The following ZNF609 variants were observed in gnomAD, a reference collection of about 807,000 sequenced individuals.
ZNF609 encodes the protein zinc finger protein 609.
ZNF609 carries 11 observed loss-of-function variants against 109.5 expected under a neutral mutation model. The observed-to-expected ratio is 0.10, with a 90% CI of 0.06 to 0.17. The LOEUF (loss-of-function observed/expected upper bound fraction) is 0.17, where lower values mean the gene tolerates loss of function less well. Among genes scored for constraint, ZNF609 ranks in the 10% least tolerant of loss-of-function variants. The pLI is 1.00. For synonymous variants in ZNF609, 646 were observed against 662.0 expected, an observed-to-expected ratio of 0.98 and a Z score of 0.37; for missense variants, 1,559 against 1,772.4, an observed-to-expected ratio of 0.88 and a Z score of 2.16.
At chr15:64,665,732 C>A (rs1393851250) in intron 3 of ZNF609, among the ~76,000 whole-genome samples, 3 of 151,982 alleles carry the variant, frequency 2.0e-5, no homozygotes, top group African/African-American at 7.2e-5. Flanking sequence ...CATGGAGAAA[C>A]CCCATATCTA....
chr15:64,495,034 G>A lies in ZNF609; in HGVS notation c.-127-4259G>A, dbSNP rs1442016135. ...GCATAGATCATCAGATGTTTTTTTCGCCTCCAGCTACCGTTTCAGAAAAAG... is the reference window on the plus strand; with the variant it reads ...GCATAGATCATCAGATGTTTTTTTCACCTCCAGCTACCGTTTCAGAAAAAG... On this transcript the variant is annotated intron_variant, in intron 1 of 9. Coordinates refer to ENST00000326648, the MANE Select transcript of ZNF609 (RefSeq NM_015042.2). Among the ~76,000 whole-genome samples the A allele has an allele frequency of 2.6e-5, 4 of 151,706 alleles. No homozygotes were observed. In the South Asian group the frequency reaches 6.2e-4, roughly 24 times the overall value.
chr15:64,482,376 G>C (rs1011118111), intron 1 of ZNF609, among the ~76,000 whole-genome samples: 4 of 148,330 alleles, frequency 2.7e-5, no homozygotes, highest in African/African-American at 9.9e-5. Flanking sequence ...TTTCCTATAC[G>C]TTTTTTTTTT....
chr15:64,592,209 A>G (rs1895310994), intron 2 of ZNF609, among the ~76,000 whole-genome samples: 1 of 152,210 alleles, frequency 6.6e-6, no homozygotes, highest in Non-Finnish European at 1.5e-5. Flanking sequence ...TTGTTTATAC[A>G]AGTGAAAATT....
intron 2 of ZNF609, among the ~76,000 whole-genome samples, chr15:64,516,351 A>G (rs1438453534): frequency 1.3e-5 from 2 of 152,064 alleles, no homozygotes; most frequent in African/African-American, 4.8e-5. Context: ...CAGAAACCTC[A>G]TAGAGGTGGG....
chr15:64,515,601 A>C (rs1422424957), intron 2 of ZNF609, among the ~76,000 whole-genome samples: 2 of 152,110 alleles, frequency 1.3e-5, no homozygotes, highest in African/African-American at 4.8e-5. Flanking sequence ...TTAAAGGCTT[A>C]AAATAATGTC....
intron 2 of ZNF609, among the ~76,000 whole-genome samples, chr15:64,578,271 C>G (rs1895036248): frequency 6.6e-6 from 1 of 151,758 alleles, no homozygotes; most frequent in South Asian, 2.1e-4. Flanking sequence ...GTGAACATTA[C>G]TGAATGATCT....
At chr15:64,667,194 A>G (rs1000645829) in intron 3 of ZNF609, among the ~76,000 whole-genome samples, 1 of 152,214 alleles carries the variant, frequency 6.6e-6, no homozygotes, top group Admixed American at 6.5e-5. Flanking sequence ...GTTCAAGGTT[A>G]CACTATAACA....
At chr15:64,478,194 G>C (rs996187341) in intron 1 of ZNF609, among the ~76,000 whole-genome samples, 2 of 146,484 alleles carry the variant, frequency 1.4e-5, no homozygotes, top group Admixed American at 6.7e-5. Flanking sequence ...GTGTGTGTGT[G>C]TGTCTGTTTA....
chr15:64,539,291 T>C (rs1207468028), intron 2 of ZNF609, among the ~76,000 whole-genome samples: 1 of 151,676 alleles, frequency 6.6e-6, no homozygotes, highest in East Asian at 1.9e-4. Flanking sequence ...CACTGCAAGC[T>C]CCACCTCCCA....
At chr15:64,464,834 G>T (rs548713599) in intron 1 of ZNF609, among the ~76,000 whole-genome samples, 2 of 152,298 alleles carry the variant, frequency 1.3e-5, no homozygotes, top group East Asian at 3.9e-4. Context: ...GCTGAAGAGG[G>T]ATTACTGAGC....
At chr15:64,491,880 G>A (rs1402230751) in intron 1 of ZNF609, among the ~76,000 whole-genome samples, 2 of 151,594 alleles carry the variant, frequency 1.3e-5, no homozygotes, top group East Asian at 1.9e-4. Context: ...TCTTGAGATT[G>A]GTACCTTGTC....
At chr15:64,629,381 A>G (rs1386177349) in intron 3 of ZNF609, among the ~76,000 whole-genome samples, 1 of 152,200 alleles carries the variant, frequency 6.6e-6, no homozygotes, top group Non-Finnish European at 1.5e-5. Flanking sequence ...TTGGAGAAGA[A>G]ATGAAACTAT....
At chr15:64,459,762 A>G (rs980987372), upstream of ZNF609, among the ~76,000 whole-genome samples, 1 of 152,212 alleles carries the variant, frequency 6.6e-6, no homozygotes, top group Non-Finnish European at 1.5e-5. Flanking sequence ...GGAGGTCGTC[A>G]TGAATAGATG....
intron 2 of ZNF609, among the ~76,000 whole-genome samples, chr15:64,570,017 C>T (rs1166904913): frequency 6.6e-6 from 1 of 152,128 alleles, no homozygotes; most frequent in Non-Finnish European, 1.5e-5. Context: ...GAGATAGGAA[C>T]TCTTTCTTTC....
chr15:64,632,585 G>A (rs780363192), intron 3 of ZNF609, among the ~76,000 whole-genome samples: 1 of 151,876 alleles, frequency 6.6e-6, no homozygotes, highest in Non-Finnish European at 1.5e-5. Flanking sequence ...GGGTTCAAGT[G>A]ATTCTCCTGC....
intron 2 of ZNF609, among the ~76,000 whole-genome samples, chr15:64,580,556 C>T (rs1023962633): frequency 4.2e-5 from 6 of 144,302 alleles, no homozygotes; most frequent in African/African-American, 1.3e-4. Context: ...CTTTTCTTTT[C>T]TTTTTTTTTT....
At position 64,561,109 on chromosome 15, in the gene ZNF609, TATACTTCCTGGTCCCTCATCC is replaced by T. The variant is rs1472094745; in HGVS notation, c.747+60944_747+60964del. 4.6e-5 allele frequency among the ~76,000 whole-genome samples: 7 copies of T among 152,350 alleles called. No homozygotes were observed. In the East Asian group the frequency reaches 1.3e-3, roughly 29 times the overall value. ...ATATCTGCTCTTACTTAAGAGTTTT[TATACTTCCTGGTCCCTCATCC>T]TGGTTGTTCCTCCCCAGTACTCAGC... is the stretch of plus-strand genomic sequence containing the variant. On this transcript the variant is annotated intron_variant, in intron 2 of 9. Transcript: ENST00000326648.
At chr15:64,496,811 T>C (rs963356405) in intron 1 of ZNF609, among the ~76,000 whole-genome samples, 1 of 151,968 alleles carries the variant, frequency 6.6e-6, no homozygotes, top group Non-Finnish European at 1.5e-5. Context: ...TCATTTCTTT[T>C]TTTCTTTCTT....
chr15:64,529,285 G>A, intron 2 of ZNF609: 4 of 716,092 alleles, frequency 5.6e-6, no homozygotes, highest in Non-Finnish European at 1.0e-5. Context: ...ACAAACATGG[G>A]GGCATCAACA....
Sources: gnomAD v4.1 joint callset for allele counts (sites outside exome capture counted in the v4.1 genomes callset) on GRCh38, gnomAD v4.1.1 for gene constraint, MANE v1.5 for transcripts, NCBI Gene and HGNC (gene_info 2026-07-23, HGNC 2026-07-21) for gene names.